The following KRABD5 variants were observed in gnomAD, a reference collection of about 807,000 sequenced individuals.
The protein encoded by KRABD5 is KRAB domain containing 5, also known as KRAB domain-containing protein 5.
chr16:31,756,375 A>G, the KRABD5 span: 1 of 152,166 alleles, frequency 6.6e-6, no homozygotes, highest in Non-Finnish European at 1.5e-5. Context: ...ATTGCTCCTT[A>G]AGTAGAAAAA....
At chr16:31,753,282 G>C in the KRABD5 span, among the ~76,000 whole-genome samples, 1 of 152,050 alleles carries the variant, frequency 6.6e-6, no homozygotes, top group Non-Finnish European at 1.5e-5. Flanking sequence ...CTGTCTCTCT[G>C]TTCTTGTAAC....
the KRABD5 span, chr16:31,757,734 T>C: frequency 6.6e-6 from 1 of 152,186 alleles, no homozygotes. Context: ...AATGCTAGCA[T>C]GAATCTTGTG....
the KRABD5 span, chr16:31,757,025 A>G: frequency 7.9e-5 from 12 of 152,222 alleles, no homozygotes; most frequent in African/African-American, 1.4e-4. Flanking sequence ...TGATAAATCT[A>G]ATGTCTTCTG....
the KRABD5 span, among the ~76,000 whole-genome samples, chr16:31,727,337 G>T: frequency 6.6e-6 from 1 of 152,214 alleles, no homozygotes; most frequent in Non-Finnish European, 1.5e-5. Context: ...ATCCTGGGAA[G>T]GTTCACGGCT....
the KRABD5 span, chr16:31,714,552 C>G: frequency 3.4e-5 from 13 of 379,034 alleles, no homozygotes; most frequent in Admixed American, 1.7e-4. Flanking sequence ...AAGAAGGCAC[C>G]CCACCTCGAT....
At chr16:31,729,894 A>G in the KRABD5 span, among the ~76,000 whole-genome samples, 17 of 152,198 alleles carry the variant, frequency 1.1e-4, no homozygotes, top group African/African-American at 3.6e-4. Flanking sequence ...ACTTTTATGC[A>G]TAGAAAAACT....
chr16:31,723,792 A>G, the KRABD5 span, among the ~76,000 whole-genome samples: 36 of 152,292 alleles, frequency 2.4e-4, no homozygotes, highest in African/African-American at 7.9e-4. Context: ...CTGTGGATAG[A>G]TGTCACATAT....
the KRABD5 span, among the ~76,000 whole-genome samples, chr16:31,735,094 C>G: frequency 1.5e-5 from 2 of 133,368 alleles, no homozygotes; most frequent in South Asian, 4.9e-4. Flanking sequence ...CTTTTCTTTT[C>G]TTTCTCTCTC....
chr16:31,748,058 C>A, the KRABD5 span, among the ~76,000 whole-genome samples: 1 of 152,070 alleles, frequency 6.6e-6, no homozygotes, highest in African/African-American at 2.4e-5. Context: ...GACATGAAGT[C>A]CTCGCCCATG....
At chr16:31,747,378 C>T in the KRABD5 span, among the ~76,000 whole-genome samples, 1 of 152,146 alleles carries the variant, frequency 6.6e-6, no homozygotes, top group Non-Finnish European at 1.5e-5. Flanking sequence ...TTTTCTTAAT[C>T]CAGTCTATCA....
At chr16:31,750,922 G>A in the KRABD5 span, among the ~76,000 whole-genome samples, 1 of 152,090 alleles carries the variant, frequency 6.6e-6, no homozygotes, top group African/African-American at 2.4e-5. Context: ...ATCACACCCA[G>A]CTAATTTTTG....
At chr16:31,740,607 A>G in the KRABD5 span, among the ~76,000 whole-genome samples, 11 of 150,952 alleles carry the variant, frequency 7.3e-5, no homozygotes, top group Non-Finnish European at 1.6e-4. Flanking sequence ...CAGCCTGGGC[A>G]GTATTGCAAG....
the KRABD5 span, among the ~76,000 whole-genome samples, chr16:31,727,224 A>C: frequency 1.3e-5 from 2 of 152,366 alleles, no homozygotes; most frequent in South Asian, 4.1e-4. Flanking sequence ...ATCTGCAAGC[A>C]GAGAAAATTA....
the KRABD5 span, chr16:31,760,609 C>G: frequency 1.3e-5 from 2 of 150,268 alleles, no homozygotes; most frequent in Non-Finnish European, 3.0e-5. Context: ...CATTTGGAGT[C>G]TTGGAAATTG....
chr16:31,743,952 T>C, the KRABD5 span, among the ~76,000 whole-genome samples: 1 of 152,212 alleles, frequency 6.6e-6, no homozygotes, highest in African/African-American at 2.4e-5. Flanking sequence ...GGAATGCTTG[T>C]GATTTTTGCA....
At chr16:31,731,428 A>G in the KRABD5 span, among the ~76,000 whole-genome samples, 11 of 152,160 alleles carry the variant, frequency 7.2e-5, no homozygotes, top group Non-Finnish European at 1.3e-4. Flanking sequence ...GTTTCTGCAG[A>G]ATGGGGGTGC....
At chr16:31,727,644 C>T in the KRABD5 span, among the ~76,000 whole-genome samples, 2 of 152,056 alleles carry the variant, frequency 1.3e-5, no homozygotes, top group African/African-American at 2.4e-5. Flanking sequence ...GGCTTTTTCT[C>T]ATTGGATTTT....
chr16:31,737,553 C>G, the KRABD5 span, among the ~76,000 whole-genome samples: 1 of 152,144 alleles, frequency 6.6e-6, no homozygotes, highest in Non-Finnish European at 1.5e-5. Context: ...ATGCCCAATC[C>G]TATTTGTTGA....
chr16:31,746,475 G>A, the KRABD5 span, among the ~76,000 whole-genome samples: 1 of 152,184 alleles, frequency 6.6e-6, no homozygotes, highest in Non-Finnish European at 1.5e-5. Context: ...AATTTCTGCT[G>A]AGAGGCCTAC....
Sources: allele counts gnomAD v4.1 joint callset (sites outside exome capture counted in the v4.1 genomes callset), GRCh38; gene constraint gnomAD v4.1.1; transcripts MANE v1.5; gene names NCBI Gene and HGNC (gene_info 2026-07-23, HGNC 2026-07-21).